Variants in GLIPR1 observed in about 807,000 individuals in gnomAD.
GLIPR1 encodes glioma pathogenesis-related protein 1.
A neutral mutation model predicts 30.3 loss-of-function variants in GLIPR1; 38 were observed. The observed-to-expected ratio is 1.26, with a 90% confidence interval of 0.97 to 1.65. GLIPR1 has a LOEUF of 1.65. Ranked by LOEUF, GLIPR1 falls within the 40% of genes most tolerant of loss-of-function variation. The pLI, the probability that GLIPR1 is intolerant of heterozygous loss-of-function variation, is 0.00. For synonymous variants in GLIPR1, 122 were observed against 110.6 expected (o/e 1.10, Z -0.65); for missense variants, 285 against 326.5 (o/e 0.87, Z 0.98).
intron 3 of GLIPR1, chr12:75,492,783 T>C (rs1452835131): frequency 1.3e-5 from 2 of 152,206 alleles, no homozygotes; most frequent in African/African-American, 4.8e-5. Context: ...GTCTCTGTCT[T>C]TATGAGAGTA....
Position 75,501,875 on chromosome 12 carries a change from T to A in GLIPR1, c.*2897T>A. ...TGTATTTATAGTTAAATAATTCAAGTATCTATGAACTTTGCTATTCATGTG... is the reference window on the plus strand; with the variant it reads ...TGTATTTATAGTTAAATAATTCAAGAATCTATGAACTTTGCTATTCATGTG... On this transcript the variant is annotated 3_prime_UTR_variant, in exon 6 of 6. Transcript: ENST00000266659. 6.3e-7 allele frequency: 1 copy of A among 1,583,508 alleles called. No homozygotes were observed. The highest frequency in any genetic ancestry group is 8.6e-7 in the Non-Finnish European group (1 of 1,158,026).
intron 2 of GLIPR1, among the ~76,000 whole-genome samples, chr12:75,486,237 T>G (rs2046293410): frequency 6.6e-6 from 1 of 152,172 alleles, no homozygotes; most frequent in African/African-American, 2.4e-5. Context: ...TACACCTAAG[T>G]TCTCAAAAAT....
chr12:75,496,733 AT>A (rs2046353918), intron 4 of GLIPR1: 1 of 152,200 alleles, frequency 6.6e-6, no homozygotes, highest in Admixed American at 6.5e-5. Flanking sequence ...ACTGCACGAA[AT>A]TTAGTTTGGA....
chr12:75,482,116 T>C (rs1296901462), intron 2 of GLIPR1, 37 bp downstream of exon 2: 4 of 1,586,692 alleles, frequency 2.5e-6, no homozygotes. Flanking sequence ...AAACTGTCTT[T>C]TCAAGTATGA....
intron 2 of GLIPR1, among the ~76,000 whole-genome samples, chr12:75,483,111 T>C (rs1163621816): frequency 6.6e-6 from 1 of 152,174 alleles, no homozygotes; most frequent in African/African-American, 2.4e-5. Context: ...TGAACCAAGT[T>C]TGGTGCAGTT....
At chr12:75,490,544 T>C in intron 3 of GLIPR1, 26 bp downstream of exon 3, 1 of 205,640 alleles carries the variant, frequency 4.9e-6, no homozygotes, top group Non-Finnish European at 7.9e-6. Flanking sequence ...AACCGGTTTA[T>C]AGGAAACGCC....
At position 75,501,451 on chromosome 12, in the gene GLIPR1, C is replaced by G. The variant is rs2046393161; in HGVS notation, c.*2473C>G. The G allele has an allele frequency of 3.1e-6, 1 of 317,600 alleles. No individual in the cohort carries two copies. Among genetic ancestry groups the G allele is most frequent in the African/African-American group, 2.2e-5 (1 of 46,338 alleles). 19.7% of individuals were successfully genotyped at this position (317,600 alleles called of 1,614,324 possible). On this transcript the variant is annotated 3_prime_UTR_variant, in exon 6 of 6. Transcript: ENST00000266659. ...TTCTACAGAAGATGCACTGGCTGCC[C>G]TGGGTTTGTATCTTTCACAACAAAG... is the stretch of plus-strand genomic sequence containing the variant.
At position 75,499,990 on chromosome 12, in the gene GLIPR1, ATTTTACCAAGTAAAACAAAGAATATATG is replaced by A; in HGVS notation, c.*1016_*1043del. On this transcript the variant is annotated 3_prime_UTR_variant, in exon 6 of 6. Coordinates refer to ENST00000266659, the MANE Select transcript of GLIPR1 (RefSeq NM_006851.3). ...AAGCACAACACATGTAATACTTTAG[ATTTTACCAAGTAAAACAAAGAATATATG>A]TTTAACAAAGAATATATGTTTAAGG... is the stretch of plus-strand genomic sequence containing the variant. 6.6e-7 allele frequency: 1 copy of A among 1,505,360 alleles called. No homozygotes were observed. The highest frequency in any genetic ancestry group is 9.0e-7 in the Non-Finnish European group (1 of 1,115,122). 93.3% of individuals were successfully genotyped at this position (1,505,360 alleles called of 1,614,324 possible).
At chr12:75,481,137 T>C in intron 1 of GLIPR1, 83 bp downstream of exon 1, 1 of 936,708 alleles carries the variant, frequency 1.1e-6, no homozygotes, top group East Asian at 2.5e-5. Context: ...ACCTTCGTAA[T>C]ACTGAATGAT....
chr12:75,491,471 C>A (rs917468052), intron 3 of GLIPR1: 5 of 152,154 alleles, frequency 3.3e-5, no homozygotes, highest in Admixed American at 3.3e-4. Flanking sequence ...TGATGAACAA[C>A]CTCATATATG....
intron 2 of GLIPR1, among the ~76,000 whole-genome samples, chr12:75,490,177 GTCAA>G (rs2046313052): frequency 7.1e-6 from 1 of 141,490 alleles, no homozygotes; most frequent in African/African-American, 2.7e-5. Context: ...TCATTGTACT[GTCAA>G]AAATTATCTT....
chr12:75,494,328 TATGA>T (rs1470506947), intron 3 of GLIPR1: 3 of 152,206 alleles, frequency 2.0e-5, no homozygotes, highest in East Asian at 1.9e-4. Flanking sequence ...TTCCTTTCAT[TATGA>T]ATGAAGACAA....
chr12:75,480,940 CA>C lies in GLIPR1; in HGVS notation c.61del (p.Thr21GlnfsTer28), dbSNP rs747827692. On this transcript the variant is annotated frameshift_variant, in exon 1 of 6. Coordinates refer to ENST00000266659, the MANE Select transcript of GLIPR1 (RefSeq NM_006851.3). LOFTEE classifies it high-confidence loss of function. ...TTTCTTTTGTCTCCAATTATTCACACACAGCAAATATTTTGCCAGATATCGA... is the reference window on the plus strand; with the variant it reads ...TTTCTTTTGTCTCCAATTATTCACACCAGCAAATATTTTGCCAGATATCGA... ...MVSFVSNYSH[T>X]ANILPDIENE... 1 of 1,613,618 alleles carries C rather than the reference CA, an allele frequency of 6.2e-7. No homozygotes were observed. The highest frequency in any genetic ancestry group is 8.5e-7 in the Non-Finnish European group (1 of 1,179,550).
At chr12:75,490,197 A>ACACT (rs1431022809) in intron 2 of GLIPR1, among the ~76,000 whole-genome samples, 2 of 40,592 alleles carry the variant, frequency 4.9e-5, no homozygotes, top group Non-Finnish European at 1.2e-4. Flanking sequence ...ATCTTATTTC[A>ACACT]CACACACACA....
intron 3 of GLIPR1, chr12:75,490,882 A>T (rs1036935153): frequency 1.3e-5 from 2 of 156,772 alleles, no homozygotes; most frequent in African/African-American, 4.8e-5. Context: ...TTGGTTTATT[A>T]GAAACTTGGC....
At position 75,502,493 on chromosome 12, in the gene GLIPR1, A is replaced by G. The variant is rs2046400858; in HGVS notation, c.*3515A>G. ...AATTGGTGACTAATTAGCAAAAGCA[A>G]CAGCTTGTTCATTCAATATACAGCC... On this transcript the variant is annotated 3_prime_UTR_variant, in exon 6 of 6. Coordinates refer to ENST00000266659, the MANE Select transcript of GLIPR1 (RefSeq NM_006851.3). The G allele has an allele frequency of 6.5e-6, 1 of 153,872 alleles. No homozygotes were observed. Among genetic ancestry groups the G allele is most frequent in the African/African-American group, 2.4e-5 (1 of 41,448 alleles). The allele number at this position is 153,872 out of a possible 1,614,324, so 9.5% of individuals were successfully genotyped here.
At chr12:75,486,985 T>C (rs1414733119) in intron 2 of GLIPR1, among the ~76,000 whole-genome samples, 1 of 152,092 alleles carries the variant, frequency 6.6e-6, no homozygotes, top group African/African-American at 2.4e-5. Flanking sequence ...ACCTGACTTT[T>C]AAAAAAAGAG....
chr12:75,492,416 AT>A (rs756339425), intron 3 of GLIPR1: 3 of 152,180 alleles, frequency 2.0e-5, no homozygotes, highest in Non-Finnish European at 2.9e-5. Context: ...GATACAATTA[AT>A]TTACTGTGTG....
At chr12:75,491,346 G>A (rs1229756952) in intron 3 of GLIPR1, 1 of 152,202 alleles carries the variant, frequency 6.6e-6, no homozygotes, top group Non-Finnish European at 1.5e-5. Flanking sequence ...TCTACAGTTA[G>A]TGACTATCAC....
Sources: gnomAD v4.1 joint callset for allele counts (sites outside exome capture counted in the v4.1 genomes callset) on GRCh38, gnomAD v4.1.1 for gene constraint, MANE v1.5 for transcripts, NCBI Gene and HGNC (gene_info 2026-07-23, HGNC 2026-07-21) for gene names.